The following GNB1 variants were observed in gnomAD, a reference collection of about 807,000 sequenced individuals.
GNB1 encodes guanine nucleotide-binding protein G(I)/G(S)/G(T) subunit beta-1.
Under a neutral mutation model 42.9 loss-of-function variants are expected in GNB1, and 2 were observed. That is an observed-to-expected ratio of 0.05 (90% CI 0.02 to 0.15). The LOEUF is 0.15. Ranked by LOEUF, GNB1 falls within the 10% of genes least tolerant of loss-of-function variation. The pLI is 1.00. For missense variants in GNB1, 193 were observed against 462.2 expected (o/e 0.42, Z 5.34); for synonymous variants, 183 against 174.7 (o/e 1.05, Z -0.38).
intron 1 of GNB1, among the ~76,000 whole-genome samples, chr1:1,877,873 G>T (rs1171340446): frequency 6.6e-6 from 1 of 152,160 alleles, no homozygotes; most frequent in Non-Finnish European, 1.5e-5. Flanking sequence ...ATGTTTGAAG[G>T]TATAATAGAG....
intron 1 of GNB1, among the ~76,000 whole-genome samples, chr1:1,884,490 G>A (rs1044762303): frequency 1.3e-5 from 2 of 152,096 alleles, no homozygotes; most frequent in Admixed American, 6.6e-5. Context: ...GGGTTTACAG[G>A]CATGAGCCAC....
At chr1:1,876,671 G>A (rs2101836996) in intron 1 of GNB1, among the ~76,000 whole-genome samples, 1 of 152,294 alleles carries the variant, frequency 6.6e-6, no homozygotes, top group African/African-American at 2.4e-5. Context: ...CCAGTCAATG[G>A]AGAAGCATTT....
rs1485669671 is a variant in GNB1, at chr1:1,844,151, C to T, written c.-95-4913G>A. The stretch of plus-strand genomic sequence containing the variant: ...CAGAGCTTGCAGTGAGCTGAGATTG[C>T]GTCACTGCACTCCAGCCTGGGTGAC... On this transcript the variant is annotated intron_variant, in intron 1 of 11. Coordinates refer to ENST00000378609, the MANE Select transcript of GNB1 (RefSeq NM_002074.5). 5.3e-5 allele frequency among the ~76,000 whole-genome samples: 8 copies of T among 151,510 alleles called. No homozygotes were observed. The South Asian group carries it at 8.3e-4, about 16-fold the overall frequency.
At chr1:1,804,330 T>C in intron 7 of GNB1, 89 bp downstream of exon 7, 3 of 818,660 alleles carry the variant, frequency 3.7e-6, no homozygotes, top group Non-Finnish European at 5.9e-6. Flanking sequence ...AATTAAAAAA[T>C]GATTGATAAA....
intron 3 of GNB1, among the ~76,000 whole-genome samples, chr1:1,822,308 T>C (rs564494039): frequency 6.7e-6 from 1 of 148,860 alleles, no homozygotes; most frequent in African/African-American, 2.5e-5. Context: ...TACTTTTTTT[T>C]TTTTTTTTTT....
intron 1 of GNB1, among the ~76,000 whole-genome samples, chr1:1,871,659 C>T (rs1056447231): frequency 6.6e-6 from 1 of 152,196 alleles, no homozygotes; most frequent in Non-Finnish European, 1.5e-5. Flanking sequence ...TGTTAGCCGG[C>T]GGTTGGCACT....
intron 2 of GNB1, among the ~76,000 whole-genome samples, chr1:1,827,996 A>G (rs547719120): frequency 6.6e-6 from 1 of 152,254 alleles, no homozygotes; most frequent in South Asian, 2.1e-4. Flanking sequence ...GGATCTCGGG[A>G]AAGAGAAACG....
intron 1 of GNB1, among the ~76,000 whole-genome samples, chr1:1,882,014 G>C (rs1187516630): frequency 6.6e-6 from 1 of 152,064 alleles, no homozygotes; most frequent in Non-Finnish European, 1.5e-5. Flanking sequence ...CTGAACTCTG[G>C]ACAGGGTGGT....
rs545618770 is a variant in GNB1, at chr1:1,797,557, C to G, written c.431-4246G>C. Among the ~76,000 whole-genome samples, 7 of 152,252 alleles carry G rather than the reference C, an allele frequency of 4.6e-5. No individual in the cohort carries two copies. The East Asian group carries it at 1.4e-3, about 29-fold the overall frequency. ...CGGTTCAGCACTTCTCCTGCTTCAGCCTCCCAAGTAGCTGGGACTACAGGC... is the reference window on the plus strand; with the variant it reads ...CGGTTCAGCACTTCTCCTGCTTCAGGCTCCCAAGTAGCTGGGACTACAGGC... On this transcript the variant is annotated intron_variant, in intron 7 of 11. Coordinates refer to ENST00000378609, the MANE Select transcript of GNB1 (RefSeq NM_002074.5).
chr1:1,873,832 C>A (rs954954079), intron 1 of GNB1, among the ~76,000 whole-genome samples: 6 of 152,088 alleles, frequency 3.9e-5, no homozygotes, highest in Admixed American at 1.3e-4. Flanking sequence ...AAACTTGGCA[C>A]CGAGACTGCT....
chr1:1,802,209 C>G (rs935041105), intron 7 of GNB1, among the ~76,000 whole-genome samples: 1 of 152,064 alleles, frequency 6.6e-6, no homozygotes, highest in African/African-American at 2.4e-5. Flanking sequence ...TGTAGAAAAT[C>G]AGGCCGAGAT....
intron 1 of GNB1, among the ~76,000 whole-genome samples, chr1:1,842,166 C>A (rs1250448714): frequency 1.3e-5 from 2 of 152,200 alleles, no homozygotes; most frequent in Non-Finnish European, 2.9e-5. Context: ...CACGGTGGCT[C>A]ACGCCTGTAA....
chr1:1,799,634 T>A (rs1178022961), intron 7 of GNB1, among the ~76,000 whole-genome samples: 1 of 152,174 alleles, frequency 6.6e-6, no homozygotes, highest in African/African-American at 2.4e-5. Flanking sequence ...CTATAAGCAC[T>A]GCACAAACTA....
At chr1:1,864,620 G>A (rs560261757) in intron 1 of GNB1, among the ~76,000 whole-genome samples, 2 of 152,272 alleles carry the variant, frequency 1.3e-5, no homozygotes, top group Non-Finnish European at 2.9e-5. Flanking sequence ...ACCCCAGGAA[G>A]TACATTTTTG....
Position 1,790,694 on chromosome 1 carries a change from A to G in GNB1, c.498-98T>C. ...TGTCCTTCAAACCACCCAGGGCCACAGTGAGCCTCTGCACTGTTACTTTAA... is the reference window on the plus strand; with the variant it reads ...TGTCCTTCAAACCACCCAGGGCCACGGTGAGCCTCTGCACTGTTACTTTAA... On this transcript the variant is annotated intron_variant, in intron 8 of 11. Coordinates refer to ENST00000378609, the MANE Select transcript of GNB1 (RefSeq NM_002074.5). This position sits in a 1 kb window ranked among gnomAD's most constrained non-coding sequence, Gnocchi z 5.4. 1 of 751,416 alleles carries G rather than the reference A, an allele frequency of 1.3e-6. No homozygotes were observed. Among genetic ancestry groups the G allele is most frequent in the Non-Finnish European group, 2.4e-6 (1 of 422,522 alleles). The allele number at this position is 751,416 out of a possible 1,614,324, so 46.5% of individuals were successfully genotyped here. A position where few individuals can be genotyped will look rare whatever the true frequency, so the allele number is the denominator to read the frequency against.
rs1230893600 is a variant in GNB1, at chr1:1,827,699, G to A, written c.-46-2200C>T. On this transcript the variant is annotated intron_variant, in intron 2 of 11. Coordinates refer to ENST00000378609, the MANE Select transcript of GNB1 (RefSeq NM_002074.5). ...GCTTTGCATTCTTTCTGCATGCCCT[G>A]ACACTACTCACTTGTATTTCACACA... Among the ~76,000 whole-genome samples, 3 of 152,278 alleles carry A rather than the reference G, an allele frequency of 2.0e-5. No homozygotes were observed. In the East Asian group the frequency reaches 5.8e-4, roughly 29 times the overall value.
At chr1:1,863,748 G>T (rs1445908503) in intron 1 of GNB1, among the ~76,000 whole-genome samples, 1 of 152,232 alleles carries the variant, frequency 6.6e-6, no homozygotes, top group Non-Finnish European at 1.5e-5. Context: ...TTTCAAAGGA[G>T]ATTTAAGTTG....
intron 1 of GNB1, among the ~76,000 whole-genome samples, chr1:1,871,722 C>G (rs1321166009): frequency 6.6e-6 from 1 of 152,208 alleles, no homozygotes; most frequent in Admixed American, 6.5e-5. Context: ...TGGCTCTGCA[C>G]AGCCAACAGA....
At chr1:1,838,573 T>C (rs1423958434) in intron 2 of GNB1, among the ~76,000 whole-genome samples, 1 of 151,382 alleles carries the variant, frequency 6.6e-6, no homozygotes, top group African/African-American at 2.4e-5. Flanking sequence ...GCCTCCAGAG[T>C]AGCTGGGACT....
Sources: gnomAD v4.1 joint callset for allele counts (sites outside exome capture counted in the v4.1 genomes callset) on GRCh38, gnomAD v4.1.1 for gene constraint, Gnocchi (gnomAD v3.1) non-coding constraint, MANE v1.5 for transcripts, NCBI Gene and HGNC (gene_info 2026-07-23, HGNC 2026-07-21) for gene names.